The following ASB6 variants were observed in gnomAD, a reference collection of about 807,000 sequenced individuals.
The protein encoded by ASB6 is ankyrin repeat and SOCS box containing 6.
ASB6 carries 24 observed loss-of-function variants against 28.6 expected under a neutral mutation model. That is an observed-to-expected ratio of 0.84 (90% CI 0.61 to 1.18). ASB6 has a LOEUF of 1.18. Among genes scored for constraint, ASB6 ranks in the 50% most tolerant of loss-of-function variants. ASB6 has a pLI of 0.00. For synonymous variants in ASB6, 267 were observed against 243.4 expected, an observed-to-expected ratio of 1.10 and a Z score of -0.90; for missense variants, 519 against 559.8, an observed-to-expected ratio of 0.93 and a Z score of 0.74.
rs189258281 is a variant in ASB6, at chr9:129,638,085, C to T, written c.971G>A (p.Arg324His). Residue 324 changes from arginine (R) to histidine (H), a missense_variant, in exon 6 of 6, where the codon CGC becomes CAC. Physicochemically the swap from Arg to His is conservative, Grantham distance 29. Transcript: ENST00000277458. Reference protein sequence around the residue: ...TEDESHADLLRKAETVLDLMV... With the variant: ...TEDESHADLLHKAETVLDLMV... ...GAGATCCAGGACAGTCTCAGCTTTG[C>T]GCAGGAGGTCCGCATGGCTCTCGTC... The T allele has an allele frequency of 7.3e-5, 118 of 1,614,066 alleles. 1 individual carries two copies. The Admixed American group carries it at 1.6e-3, about 23-fold the overall frequency.
rs770174117 is a variant in ASB6 at position 129,638,268 on chromosome 9, G to A, written c.788C>T (p.Thr263Ile). 2 of 1,613,448 alleles carry A rather than the reference G, an allele frequency of 1.2e-6. No individual in the cohort carries two copies. The highest frequency in any genetic ancestry group is 1.7e-6 in the Non-Finnish European group (2 of 1,180,034). Residue 263 changes from threonine to isoleucine, a missense_variant, in exon 6 of 6, where the codon ACC (threonine) becomes ATC (isoleucine). Coordinates refer to ENST00000277458, the MANE Select transcript of ASB6 (RefSeq NM_017873.4). ...TTTAAAGCTCTTCAGGCAGATGTGG[G>A]TGAGGGACTCGTGGGCTGGGCACTC... Reference protein sequence around the residue: ...PSECPAHESLTHICLKSFKLH... With the variant: ...PSECPAHESLIHICLKSFKLH...
Position 129,640,565 on chromosome 9 carries a change from G to T in ASB6, c.271C>A (p.His91Asn), listed in dbSNP as rs528323882. ...LTRAADVLLR[H>N]GANLNFEDPV... The stretch of plus-strand genomic sequence containing the variant: ...CCTTCAAAGTTGAGATTGGCCCCAT[G>T]CCGCAAGAGAACGTCGGCCGCCCGC... Residue 91 changes from histidine (H) to asparagine (N), a missense_variant, in exon 2 of 6, where the codon CAT (histidine) becomes AAT (asparagine). Transcript: ENST00000277458. 11 of 1,611,402 alleles carry T rather than the reference G, an allele frequency of 6.8e-6. No individual in the cohort carries two copies. In the South Asian group the frequency reaches 9.9e-5, roughly 15 times the overall value.
chr9:129,641,894 G>C lies in ASB6; in HGVS notation c.106C>G (p.Leu36Val). Reference protein sequence around the residue: ...GIQDPERQESLDRPSYVASEE... With the variant: ...GIQDPERQESVDRPSYVASEE... Reference sequence around the variant, plus strand: ...CGGGAGGGGGTGAGTTACCGGTCCAGAGACTCCTGCCGCTCGGGGTCCTGG... The same window carrying C: ...CGGGAGGGGGTGAGTTACCGGTCCACAGACTCCTGCCGCTCGGGGTCCTGG... The change falls in exon 1 of 6, where the codon CTG (leucine) becomes GTG (valine). Residue 36 changes from leucine to valine, a missense_variant. Physicochemically the swap from Leu to Val is conservative, Grantham distance 32. Transcript: ENST00000277458. 1 of 1,597,566 alleles carries C rather than the reference G, an allele frequency of 6.3e-7. No homozygotes were observed. The highest frequency in any genetic ancestry group is 8.5e-7 in the Non-Finnish European group (1 of 1,173,284).
At chr9:129,640,882 GC>G in intron 1 of ASB6, 160 bp from the exon 2 acceptor site, 2 of 811,372 alleles carry the variant, frequency 2.5e-6, no homozygotes, top group Non-Finnish European at 3.9e-6. Context: ...TAGAGAGAGG[GC>G]CACGCTGCAT....
chr9:129,638,624 CG>C lies in ASB6; in HGVS notation c.546del (p.Ser182ArgfsTer53). ...KTALLHALAS[S>X]DGVQIHNTEN... ...TCAGTATTGTGGATCTGCACCCCGT[CG>C]CTGCTGGCCAGAGCATGGAGCAGAG... On this transcript the variant is annotated frameshift_variant, in exon 5 of 6. Coordinates refer to ENST00000277458, the MANE Select transcript of ASB6 (RefSeq NM_017873.4). LOFTEE classifies it high-confidence loss of function. 1 of 1,613,848 alleles carries C rather than the reference CG, an allele frequency of 6.2e-7. No homozygotes were observed. Among genetic ancestry groups the C allele is most frequent in the African/African-American group, 1.3e-5 (1 of 75,038 alleles).
Position 129,641,944 on chromosome 9 carries a change from T to A in ASB6, c.56A>T (p.Asp19Val). Residue 19 changes from aspartate (D) to valine (V), a missense_variant, in exon 1 of 6, where the codon GAT becomes GTT. Transcript: ENST00000277458. ...RIIFEYQPLV[D>V]AILGSLGIQD... The stretch of plus-strand genomic sequence containing the variant: ...GATCCCCAGGGAGCCCAGAATCGCA[T>A]CCACCAGCGGCTGGTACTCGAAGAT... 1 of 1,601,840 alleles carries A rather than the reference T, an allele frequency of 6.2e-7. No individual in the cohort carries two copies. The highest frequency in any genetic ancestry group is 8.5e-7 in the Non-Finnish European group (1 of 1,175,456).
chr9:129,638,136 A>C lies in ASB6; in HGVS notation c.920T>G (p.Leu307Arg). ...TTCCGTGCAGCCTGGGTGGGAACAG[A>C]GCCTCTCAAAGATGATGTGAAAGCC... ...WSGFHIIFERLCSHPGCTEDE... is the reference protein window; with the variant it reads ...WSGFHIIFERRCSHPGCTEDE... The change falls in exon 6 of 6, where the codon CTC (leucine) becomes CGC (arginine). Residue 307 changes from leucine to arginine, a missense_variant. By Grantham distance (102) the Leu-to-Arg change is moderately radical (BLOSUM62 -2). Coordinates refer to ENST00000277458, the MANE Select transcript of ASB6 (RefSeq NM_017873.4). 1 of 1,614,116 alleles carries C rather than the reference A, an allele frequency of 6.2e-7. No homozygotes were observed. The highest frequency in any genetic ancestry group is 8.5e-7 in the Non-Finnish European group (1 of 1,180,022).
Position 129,640,466 on chromosome 9 carries a change from G to A in ASB6, c.295+75C>T, listed in dbSNP as rs773385023. The A allele has an allele frequency of 1.4e-4, 207 of 1,526,152 alleles. 1 individual carries two copies. Among genetic ancestry groups the A allele is most frequent in the Middle Eastern group, 1.2e-3 (5 of 4,110 alleles). 94.5% of individuals were successfully genotyped at this position (1,526,152 alleles called of 1,614,324 possible). A position where few individuals can be genotyped will look rare whatever the true frequency, so the allele number is the denominator to read the frequency against. Reference sequence around the variant, plus strand: ...CTCCTCAGAGGATGGTAGAAGCCAAGGCTGGGGACATGGGCGCCCACCCAG... The same window carrying A: ...CTCCTCAGAGGATGGTAGAAGCCAAAGCTGGGGACATGGGCGCCCACCCAG... On this transcript the variant is annotated intron_variant, in intron 2 of 5. Transcript: ENST00000277458.
rs752799886 is a variant in ASB6, at chr9:129,637,899, T to C, written c.1157A>G (p.Tyr386Cys). Residue 386 changes from tyrosine (Y) to cysteine (C), a missense_variant, in exon 6 of 6, where the codon TAC becomes TGC. Transcript: ENST00000277458. The part of the protein sequence containing the change: ...KHLCRVAIRL[Y>C]LQPWPVDVKV... ...CACATCCACAGGCCACGGCTGAAGG[T>C]AGAGCCGGATGGCCACACGGCACAG... 1.9e-6 allele frequency: 3 copies of C among 1,577,740 alleles called. No homozygotes were observed. Among genetic ancestry groups the C allele is most frequent in the South Asian group, 2.4e-5 (2 of 84,922 alleles).
Position 129,638,367 on chromosome 9 carries a change from T to C in ASB6, c.689A>G (p.Glu230Gly), listed in dbSNP as rs911921712. 5.0e-6 allele frequency: 8 copies of C among 1,613,530 alleles called. No individual in the cohort carries two copies. The highest frequency in any genetic ancestry group is 6.8e-6 in the Non-Finnish European group (8 of 1,180,014). The change falls in exon 6 of 6, where the codon GAG (glutamate) becomes GGG (glycine). Residue 230 changes from glutamate to glycine, a missense_variant. Coordinates refer to ENST00000277458, the MANE Select transcript of ASB6 (RefSeq NM_017873.4). ...GAAGCGGTTGATCATCTGGGCCTCCTCTTTGTCCCCTCCCACGGTCTCACC... is the reference window on the plus strand; with the variant it reads ...GAAGCGGTTGATCATCTGGGCCTCCCCTTTGTCCCCTCCCACGGTCTCACC... ...LLGETVGGDK[E>G]EAQMINRFCF...
Position 129,639,680 on chromosome 9 carries a change from C to T in ASB6, c.296-172G>A, listed in dbSNP as rs375444182. Among the ~76,000 whole-genome samples, 4 of 152,334 alleles carry T rather than the reference C, an allele frequency of 2.6e-5. No individual in the cohort carries two copies. In the East Asian group the frequency reaches 5.8e-4, roughly 22 times the overall value. ...CTGTCCTCACCAGATACTAGAGGGC[C>T]CTCGGGGTGTTCTAGTGGGCACGCT... On this transcript the variant is annotated intron_variant, in intron 2 of 5. Transcript: ENST00000277458.
chr9:129,640,819 G>C (rs1831678329), intron 1 of ASB6, 97 bp from the exon 2 acceptor site: 1 of 1,430,370 alleles, frequency 7.0e-7, no homozygotes, highest in Non-Finnish European at 9.6e-7. Flanking sequence ...ATCATCATCA[G>C]CAAGCAGGGC....
In ASB6 at chr9:129,638,118, C is replaced by G. The variant is rs368985149; in HGVS notation, c.938G>C (p.Cys313Ser). 1.2e-6 allele frequency: 2 copies of G among 1,614,146 alleles called. No homozygotes were observed. The highest frequency in any genetic ancestry group is 1.7e-6 in the Non-Finnish European group (2 of 1,180,024). Residue 313 changes from cysteine (C) to serine (S), a missense_variant, in exon 6 of 6, where the codon TGC (cysteine) becomes TCC (serine). Coordinates refer to ENST00000277458, the MANE Select transcript of ASB6 (RefSeq NM_017873.4). ...IFERLCSHPG[C>S]TEDESHADLL... ...GTCCGCATGGCTCTCGTCTTCCGTG[C>G]AGCCTGGGTGGGAACAGAGCCTCTC...
chr9:129,637,681 C>T lies in ASB6; in HGVS notation c.*109G>A. The T allele has an allele frequency of 1.7e-6, 2 of 1,185,886 alleles. No individual in the cohort carries two copies. The highest frequency in any genetic ancestry group is 3.0e-4 in the Middle Eastern group (1 of 3,336). The allele number at this position is 1,185,886 out of a possible 1,614,324, so 73.5% of individuals were successfully genotyped here. A position where few individuals can be genotyped will look rare whatever the true frequency, so the allele number is the denominator to read the frequency against. ...CTGGCTGGCTTTTCTCATGAAGGAT[C>T]CCGTCTCATCTCCCAGATCAAAAAG... On this transcript the variant is annotated 3_prime_UTR_variant, in exon 6 of 6. Transcript: ENST00000277458.
Position 129,636,704 on chromosome 9 carries a change from T to A in ASB6, c.*1086A>T, listed in dbSNP as rs548734000. Reference sequence around the variant, plus strand: ...AGAGTGTCTCGAAAAAAAAAAATAATAAAATGGGACCTCCACACTGTGGAG... The same window carrying A: ...AGAGTGTCTCGAAAAAAAAAAATAAAAAAATGGGACCTCCACACTGTGGAG... On this transcript the variant is annotated 3_prime_UTR_variant, in exon 6 of 6. Transcript: ENST00000277458. The A allele has an allele frequency of 2.0e-5, 3 of 150,924 alleles. No individual in the cohort carries two copies. Among genetic ancestry groups the A allele is most frequent in the Non-Finnish European group, 4.4e-5 (3 of 67,750 alleles). The allele number at this position is 150,924 out of a possible 1,614,324, so 9.3% of individuals were successfully genotyped here.
rs542960121 is a variant in ASB6 at position 129,637,421 on chromosome 9, G to A, written c.*369C>T. The A allele has an allele frequency of 6.2e-4, 107 of 172,172 alleles. No homozygotes were observed. The highest frequency in any genetic ancestry group is 5.2e-3 in the Middle Eastern group (2 of 388). The allele number at this position is 172,172 out of a possible 1,614,324, so 10.7% of individuals were successfully genotyped here. ...GCTTCCTCTCCAGCTGCACTGCCAC[G>A]TGCGGCCAACAAGAGCCCCGCAGCC... On this transcript the variant is annotated 3_prime_UTR_variant, in exon 6 of 6. Transcript: ENST00000277458.
chr9:129,642,089 C>G lies in ASB6; in HGVS notation c.-90G>C. 2 of 1,427,376 alleles carry G rather than the reference C, an allele frequency of 1.4e-6. No homozygotes were observed. The highest frequency in any genetic ancestry group is 2.9e-5 in the South Asian group (2 of 69,946). 88.4% of individuals were successfully genotyped at this position (1,427,376 alleles called of 1,614,324 possible). A position where few individuals can be genotyped will look rare whatever the true frequency, so the allele number is the denominator to read the frequency against. On this transcript the variant is annotated 5_prime_UTR_variant, in exon 1 of 6. Coordinates refer to ENST00000277458, the MANE Select transcript of ASB6 (RefSeq NM_017873.4). This position sits in a 1 kb window ranked among gnomAD's most constrained non-coding sequence, Gnocchi z 4.3. Reference sequence around the variant, plus strand: ...ACCGGAACGCTCCGGCGGCCGCGGACCCCACCTGCTCCGCCAGTCCAGCCC... The same window carrying G: ...ACCGGAACGCTCCGGCGGCCGCGGAGCCCACCTGCTCCGCCAGTCCAGCCC...
At chr9:129,640,894 C>A in intron 1 of ASB6, 172 bp from the exon 2 acceptor site, 2 of 752,190 alleles carry the variant, frequency 2.7e-6, no homozygotes, top group South Asian at 3.5e-5. Context: ...CACGCTGCAT[C>A]TCTTAATACG....
At chr9:129,641,840 GC>G in intron 1 of ASB6, 46 bp downstream of exon 1, 1 of 1,525,654 alleles carries the variant, frequency 6.6e-7, no homozygotes, top group East Asian at 2.5e-5. Flanking sequence ...GTGGGACGCT[GC>G]GGGGTCGGAG....
Sources: allele counts gnomAD v4.1 joint callset (sites outside exome capture counted in the v4.1 genomes callset), GRCh38; gene constraint gnomAD v4.1.1; non-coding constraint Gnocchi (gnomAD v3.1); transcripts MANE v1.5; gene names NCBI Gene and HGNC (gene_info 2026-07-23, HGNC 2026-07-21).